The following KIAA1217 variants were observed in gnomAD, a reference collection of about 807,000 sequenced individuals.
The protein encoded by KIAA1217 is sickle tail protein homolog.
Under a neutral mutation model 163.9 loss-of-function variants are expected in KIAA1217, and 88 were observed. The ratio of observed to expected loss-of-function variants is 0.54; its 90% CI spans 0.45 to 0.64. The LOEUF (loss-of-function observed/expected upper bound fraction) is 0.64. KIAA1217 is among the 30% of genes least tolerant of loss of function. The pLI is 0.00. For synonymous variants in KIAA1217, 903 were observed against 923.1 expected, an observed-to-expected ratio of 0.98 and a Z score of 0.39; for missense variants, 2,372 against 2,475.0, an observed-to-expected ratio of 0.96 and a Z score of 0.88.
intron 1 of KIAA1217, among the ~76,000 whole-genome samples, chr10:23,746,788 G>T (rs536636001): frequency 6.6e-6 from 1 of 152,072 alleles, no homozygotes; most frequent in Non-Finnish European, 1.5e-5. Flanking sequence ...GGGCAGAGGT[G>T]TGTATGCACC....
intron 2 of KIAA1217, among the ~76,000 whole-genome samples, chr10:24,363,573 T>TTTTTTTTTTTTG (rs2050323727): frequency 6.6e-6 from 1 of 151,114 alleles, no homozygotes; most frequent in Non-Finnish European, 1.5e-5. Flanking sequence ...TTTTGTTTTT[T>TTTTTTTTTTTTG]TTTTTTTTTG....
intron 2 of KIAA1217, among the ~76,000 whole-genome samples, chr10:24,264,797 C>CAT (rs1179054754): frequency 2.1e-5 from 3 of 143,626 alleles, no homozygotes; most frequent in African/African-American, 8.0e-5. Context: ...CTCTCTCTCT[C>CAT]TCTCTCATTC....
intron 3 of KIAA1217, among the ~76,000 whole-genome samples, chr10:24,394,839 G>A (rs916258806): frequency 3.9e-5 from 6 of 152,062 alleles, no homozygotes; most frequent in East Asian, 3.9e-4. Flanking sequence ...CCCTGCTGCC[G>A]GTCTCTGTCT....
At chr10:24,432,367 C>T (rs943197393) in intron 3 of KIAA1217, among the ~76,000 whole-genome samples, 1 of 152,100 alleles carries the variant, frequency 6.6e-6, no homozygotes, top group South Asian at 2.1e-4. Flanking sequence ...ATTCGCCTGC[C>T]TCAGCCTCCC....
chr10:24,452,517 C>CA (rs879925996), intron 5 of KIAA1217, among the ~76,000 whole-genome samples: 1,939 of 123,596 alleles, frequency 0.016, 52 homozygotes, highest in East Asian at 0.12. Flanking sequence ...ACTTAAAATA[C>CA]AAAAAAAAAA....
intron 1 of KIAA1217, among the ~76,000 whole-genome samples, chr10:23,904,494 C>A (rs1409016003): frequency 1.3e-5 from 2 of 152,142 alleles, no homozygotes; most frequent in African/African-American, 4.8e-5. Context: ...TGTATTCATG[C>A]AAGGCCAGCT....
chr10:24,214,179 A>AT (rs1330895385), intron 1 of KIAA1217, among the ~76,000 whole-genome samples: 5 of 152,178 alleles, frequency 3.3e-5, no homozygotes. Flanking sequence ...AAGAAAAAAA[A>AT]CAAGGGAGCT....
intron 2 of KIAA1217, among the ~76,000 whole-genome samples, chr10:24,246,753 C>A (rs753569309): frequency 8.5e-5 from 13 of 152,158 alleles, no homozygotes; most frequent in Non-Finnish European, 1.8e-4. Flanking sequence ...TTTGCTGGGT[C>A]ATGTCTGTAA....
At chr10:23,765,814 G>T (rs914082471) in intron 1 of KIAA1217, among the ~76,000 whole-genome samples, 3 of 152,102 alleles carry the variant, frequency 2.0e-5, no homozygotes, top group South Asian at 4.1e-4. Context: ...GAGTCTGTTC[G>T]ATCTCTTTTC....
At chr10:24,216,331 G>A (rs1346344090) in intron 1 of KIAA1217, among the ~76,000 whole-genome samples, 2 of 152,162 alleles carry the variant, frequency 1.3e-5, no homozygotes, top group East Asian at 1.9e-4. Context: ...GGCAGGATGC[G>A]ACTTTCTGCC....
intron 10 of KIAA1217, among the ~76,000 whole-genome samples, chr10:24,516,066 A>G (rs762251215): frequency 5.3e-5 from 8 of 152,248 alleles, no homozygotes; most frequent in African/African-American, 9.6e-5. Flanking sequence ...GCAAGACTCA[A>G]TCTCTAAAAC....
At chr10:24,029,709 G>T (rs1217234426) in intron 2 of KIAA1217, among the ~76,000 whole-genome samples, 1 of 152,196 alleles carries the variant, frequency 6.6e-6, no homozygotes, top group Non-Finnish European at 1.5e-5. Context: ...CAGAAGACAA[G>T]TTCTGAAAAG....
chr10:24,178,453 G>A (rs1275434076), intron 2 of KIAA1217, among the ~76,000 whole-genome samples: 2 of 152,206 alleles, frequency 1.3e-5, no homozygotes, highest in African/African-American at 2.4e-5. Flanking sequence ...CTTCTGAGGT[G>A]CTATGATGGG....
At chr10:23,740,313 A>T (rs1354247330) in intron 1 of KIAA1217, among the ~76,000 whole-genome samples, 21 of 152,076 alleles carry the variant, frequency 1.4e-4, no homozygotes, top group Non-Finnish European at 8.8e-5. Context: ...GTCTTCTGAG[A>T]TTGGTTTTAG....
intron 17 of KIAA1217, among the ~76,000 whole-genome samples, chr10:24,540,133 T>G (rs11014146): frequency 0.39 from 59,868 of 152,140 alleles, 12,195 homozygotes; most frequent in Non-Finnish European, 0.45. Context: ...ATAGGTCGTG[T>G]GAAAACCAAA....
intron 2 of KIAA1217, among the ~76,000 whole-genome samples, chr10:24,194,762 A>ATTTTT (rs762968095): frequency 2.0e-5 from 2 of 97,968 alleles, no homozygotes; most frequent in East Asian, 2.9e-4. Context: ...AGCCAATTAA[A>ATTTTT]TTTTTTTTTT....
chr10:24,232,486 C>T (rs189415234), intron 2 of KIAA1217, among the ~76,000 whole-genome samples: 19 of 152,098 alleles, frequency 1.2e-4, no homozygotes, highest in African/African-American at 3.6e-4. Context: ...AAGGAGTGCC[C>T]GGGGGTAGGT....
At chr10:24,158,597 TATC>T (rs1397867848) in intron 2 of KIAA1217, 16 of 508,342 alleles carry the variant, frequency 3.1e-5, no homozygotes, top group Middle Eastern at 3.3e-4. Flanking sequence ...AGACGTGCTT[TATC>T]ATCTCCATCT....
intron 2 of KIAA1217, among the ~76,000 whole-genome samples, chr10:24,249,959 T>C (rs75231605): frequency 0.016 from 2,501 of 152,302 alleles, 67 homozygotes; most frequent in African/African-American, 0.057. Flanking sequence ...CAGGAATCAA[T>C]GACTGACTTC....
Sources: gnomAD v4.1 joint callset for allele counts (sites outside exome capture counted in the v4.1 genomes callset) on GRCh38, gnomAD v4.1.1 for gene constraint, MANE v1.5 for transcripts, NCBI Gene and HGNC (gene_info 2026-07-23, HGNC 2026-07-21) for gene names.